The following ADAMTSL3 variants were observed in gnomAD, a reference collection of about 807,000 sequenced individuals.
ADAMTSL3 encodes ADAMTS like 3, also known as ADAMTS-like protein 3.
In ADAMTSL3, 128 loss-of-function variants were observed where a neutral mutation model predicts 201.7. The ratio of observed to expected loss-of-function variants is 0.63; its 90% confidence interval spans 0.55 to 0.73. ADAMTSL3 has a LOEUF of 0.73. ADAMTSL3 is among the 30% of genes least tolerant of loss of function. The pLI is 0.00. For missense variants in ADAMTSL3, 1,990 were observed against 2,119.6 expected (o/e 0.94, Z 1.20); for synonymous variants, 738 against 748.4 (o/e 0.99, Z 0.23).
rs74024525 is a variant in ADAMTSL3 at position 83,654,889 on chromosome 15, A to G, written c.-34+613A>G. ...GGAAACAGCAGCACATTTGCGGATCACATTAGACCAGGCCCTTAATGCCTT... is the reference window on the plus strand; with the variant it reads ...GGAAACAGCAGCACATTTGCGGATCGCATTAGACCAGGCCCTTAATGCCTT... On this transcript the variant is annotated intron_variant, in intron 1 of 29. Transcript: ENST00000286744. The surrounding 1 kb of genome is among the most constrained non-coding windows in gnomAD (Gnocchi z 5.3). Among the ~76,000 whole-genome samples the G allele has an allele frequency of 0.021, 3,137 of 152,256 alleles. 105 individuals are homozygous for G. The highest frequency in any genetic ancestry group is 0.068 in the African/African-American group (2,821 of 41,546).
At chr15:83,780,060 G>C (rs916515230) in intron 4 of ADAMTSL3, among the ~76,000 whole-genome samples, 1 of 86,070 alleles carries the variant, frequency 1.2e-5, no homozygotes, top group African/African-American at 4.6e-5. Flanking sequence ...AGCTAGCAGA[G>C]ACAAGAAATA....
intron 4 of ADAMTSL3, among the ~76,000 whole-genome samples, chr15:83,776,614 G>A (rs746441340): frequency 2.0e-5 from 3 of 152,138 alleles, no homozygotes; most frequent in Non-Finnish European, 4.4e-5. Flanking sequence ...CTACTGAGGA[G>A]GCTAAGGCAG....
chr15:83,723,337 AT>A (rs1006012441), intron 3 of ADAMTSL3, among the ~76,000 whole-genome samples: 3 of 152,204 alleles, frequency 2.0e-5, no homozygotes, highest in Non-Finnish European at 2.9e-5. Flanking sequence ...TCAAGTTTAT[AT>A]TGTGCTGTTG....
At position 83,982,815 on chromosome 15, in the gene ADAMTSL3, T is replaced by C. The variant is rs1384622021; in HGVS notation, c.3187T>C (p.Cys1063Arg). Residue 1063 changes from cysteine to arginine, a missense_variant, in exon 21 of 30, where the codon TGC (cysteine) becomes CGC (arginine). Coordinates refer to ENST00000286744, the MANE Select transcript of ADAMTSL3 (RefSeq NM_207517.3). ...TTTCTTGAGAGCTCTGTTAGGCCAC[T>C]GCAGCAATTCTGCAGGAAGCACCAA... is the stretch of plus-strand genomic sequence containing the variant. Reference protein sequence around the residue: ...QPFLRALLGHCSNSAGSTNSW... With the variant: ...QPFLRALLGHRSNSAGSTNSW... The C allele has an allele frequency of 3.7e-6, 6 of 1,614,034 alleles. No homozygotes were observed. The highest frequency in any genetic ancestry group is 4.2e-6 in the Non-Finnish European group (5 of 1,180,036).
chr15:83,725,613 A>G (rs193051877), intron 3 of ADAMTSL3, among the ~76,000 whole-genome samples: 28 of 152,260 alleles, frequency 1.8e-4, no homozygotes, highest in Admixed American at 1.3e-3. Context: ...TCTTCTGCAT[A>G]TGGACATCCA....
At chr15:83,680,513 G>GT (rs55658833) in intron 2 of ADAMTSL3, among the ~76,000 whole-genome samples, 49,847 of 134,342 alleles carry the variant, frequency 0.37, 8,843 homozygotes, top group South Asian at 0.6. Context: ...CTTAGTTGTT[G>GT]TTTTTTTTTT....
At chr15:83,998,579 G>A (rs1018076434) in intron 23 of ADAMTSL3, among the ~76,000 whole-genome samples, 1 of 152,126 alleles carries the variant, frequency 6.6e-6, no homozygotes, top group Non-Finnish European at 1.5e-5. Context: ...AAGTTCACTG[G>A]GGGGAAAGTA....
At chr15:83,882,989 G>T (rs1232965844) in intron 9 of ADAMTSL3, among the ~76,000 whole-genome samples, 1 of 151,630 alleles carries the variant, frequency 6.6e-6, no homozygotes, top group Non-Finnish European at 1.5e-5. Flanking sequence ...CATTCTATTT[G>T]TCTATTATCT....
In ADAMTSL3 at chr15:83,994,906, G is replaced by A. The variant is rs1045788448; in HGVS notation, c.3973+3692G>A. ...ATTACAGGCATGAGCCACGGCATCCGGCCCTGGAAGGAGTTTTTGTATAGT... is the reference window on the plus strand; with the variant it reads ...ATTACAGGCATGAGCCACGGCATCCAGCCCTGGAAGGAGTTTTTGTATAGT... On this transcript the variant is annotated intron_variant, in intron 23 of 29. Transcript: ENST00000286744. Among the ~76,000 whole-genome samples the A allele has an allele frequency of 2.0e-5, 3 of 151,936 alleles. No individual in the cohort carries two copies. The South Asian group carries it at 6.3e-4, about 32-fold the overall frequency.
intron 3 of ADAMTSL3, among the ~76,000 whole-genome samples, chr15:83,736,553 C>T (rs2062372412): frequency 6.6e-6 from 1 of 152,008 alleles, no homozygotes; most frequent in Admixed American, 6.6e-5. Flanking sequence ...GGAAACTAGC[C>T]CAAAATACAT....
At chr15:83,807,908 A>G (rs1288583021) in intron 5 of ADAMTSL3, among the ~76,000 whole-genome samples, 1 of 152,196 alleles carries the variant, frequency 6.6e-6, no homozygotes, top group African/African-American at 2.4e-5. Flanking sequence ...TCTTCAATAA[A>G]CTGTGCTGGG....
chr15:83,828,098 A>G (rs1469250009), intron 6 of ADAMTSL3, among the ~76,000 whole-genome samples: 1 of 152,164 alleles, frequency 6.6e-6, no homozygotes, highest in Admixed American at 6.5e-5. Flanking sequence ...ATGGCATTGA[A>G]TCTATAAATT....
At chr15:84,018,677 G>T (rs979082560) in intron 25 of ADAMTSL3, among the ~76,000 whole-genome samples, 3 of 149,674 alleles carry the variant, frequency 2.0e-5, no homozygotes, top group Admixed American at 6.6e-5. Context: ...CTAGGGTACA[G>T]TTGAGGGAGA....
intron 4 of ADAMTSL3, among the ~76,000 whole-genome samples, chr15:83,774,337 G>C (rs951792315): frequency 6.6e-6 from 1 of 152,360 alleles, no homozygotes; most frequent in East Asian, 1.9e-4. Context: ...AGGCAAAAGA[G>C]TAAATTGGCC....
chr15:84,027,317 G>C (rs2068327513), intron 27 of ADAMTSL3, among the ~76,000 whole-genome samples: 1 of 152,190 alleles, frequency 6.6e-6, no homozygotes, highest in Non-Finnish European at 1.5e-5. Context: ...CACCCTAGCG[G>C]TTCCTCAAAA....
chr15:83,938,961 C>T (rs966675880), intron 17 of ADAMTSL3, among the ~76,000 whole-genome samples: 12 of 152,008 alleles, frequency 7.9e-5, no homozygotes, highest in African/African-American at 2.7e-4. Context: ...TTTTTGGATG[C>T]GCTAATTCAA....
At chr15:83,809,849 T>C (rs931342448) in intron 5 of ADAMTSL3, among the ~76,000 whole-genome samples, 3 of 152,222 alleles carry the variant, frequency 2.0e-5, no homozygotes, top group African/African-American at 7.2e-5. Flanking sequence ...GATCAATTAC[T>C]GGAGCTTTGT....
intron 4 of ADAMTSL3, among the ~76,000 whole-genome samples, chr15:83,776,641 C>T (rs770273816): frequency 6.6e-6 from 1 of 151,908 alleles, no homozygotes; most frequent in African/African-American, 2.4e-5. Flanking sequence ...TGCTTGAACT[C>T]GGGAGGTGGA....
chr15:83,869,841 A>G (rs1402054396), intron 8 of ADAMTSL3, among the ~76,000 whole-genome samples: 1 of 152,118 alleles, frequency 6.6e-6, no homozygotes, highest in East Asian at 1.9e-4. Flanking sequence ...CTGACTCCTC[A>G]TTTTAGGTAT....
Sources: allele counts gnomAD v4.1 joint callset (sites outside exome capture counted in the v4.1 genomes callset), GRCh38; gene constraint gnomAD v4.1.1; non-coding constraint Gnocchi (gnomAD v3.1); transcripts MANE v1.5; gene names NCBI Gene and HGNC (gene_info 2026-07-23, HGNC 2026-07-21).